LMBRD1: variants seen among roughly 807,000 people sequenced by gnomAD.
LMBRD1 encodes the protein LMBR1 domain containing 1, also known as lysosomal cobalamin transport escort protein LMBD1.
In LMBRD1, 64 loss-of-function variants were observed where a neutral mutation model predicts 74.8. The observed-to-expected ratio is 0.86, with a 90% CI of 0.70 to 1.05. The LOEUF (loss-of-function observed/expected upper bound fraction) is 1.05, where lower values mean the gene tolerates loss of function less well. Among genes scored for constraint, LMBRD1 ranks in the 50% least tolerant of loss-of-function variants. The probability of loss-of-function intolerance (pLI) is 0.00; values close to 1 mark genes in which losing one functional copy is unlikely to be tolerated. For synonymous variants in LMBRD1, 204 were observed against 216.3 expected (o/e 0.94, Z 0.50); for missense variants, 652 against 645.9 (o/e 1.01, Z -0.10).
chr6:69,693,542 A>T (rs914612698), intron 14 of LMBRD1, among the ~76,000 whole-genome samples: 1 of 152,174 alleles, frequency 6.6e-6, no homozygotes, highest in Non-Finnish European at 1.5e-5. Flanking sequence ...AACACTGAAA[A>T]TTAAAATTTT....
intron 11 of LMBRD1, 123 bp downstream of exon 11, chr6:69,701,320 T>C: frequency 3.1e-6 from 2 of 653,654 alleles, no homozygotes; most frequent in Non-Finnish European, 2.8e-6. Flanking sequence ...TAAGCATATG[T>C]CAAACTATTC....
intron 7 of LMBRD1, among the ~76,000 whole-genome samples, chr6:69,735,443 TAAAA>T (rs11290967): frequency 6.9e-6 from 1 of 144,550 alleles, no homozygotes; most frequent in Admixed American, 6.8e-5. Flanking sequence ...GAAAACAACA[TAAAA>T]AAAAAAAAAA....
chr6:69,752,145 G>C, intron 4 of LMBRD1, 114 bp downstream of exon 4: 2 of 930,658 alleles, frequency 2.1e-6, no homozygotes, highest in Non-Finnish European at 3.2e-6. Context: ...AGCTAACATT[G>C]TATTTCTATT....
chr6:69,704,705 A>C (rs1370724705), intron 9 of LMBRD1, among the ~76,000 whole-genome samples: 1 of 152,092 alleles, frequency 6.6e-6, no homozygotes, highest in African/African-American at 2.4e-5. Flanking sequence ...TGCAGAAATC[A>C]TTACTTTATT....
intron 2 of LMBRD1, among the ~76,000 whole-genome samples, chr6:69,787,080 C>T (rs1336601944): frequency 6.6e-6 from 1 of 152,120 alleles, no homozygotes; most frequent in Non-Finnish European, 1.5e-5. Context: ...AGACCAAAAC[C>T]ACGTTGGCAT....
intron 3 of LMBRD1, among the ~76,000 whole-genome samples, chr6:69,773,022 A>G (rs577349662): frequency 5.3e-5 from 8 of 152,214 alleles, no homozygotes; most frequent in Non-Finnish European, 8.8e-5. Flanking sequence ...TGGAGAAATC[A>G]CAAAGAAGTC....
intron 7 of LMBRD1, among the ~76,000 whole-genome samples, chr6:69,737,233 A>G (rs1335862085): frequency 6.6e-6 from 1 of 152,138 alleles, no homozygotes; most frequent in Non-Finnish European, 1.5e-5. Context: ...AAGGTTCCAG[A>G]TAATATTAAT....
At chr6:69,692,573 T>C (rs769904118) in intron 14 of LMBRD1, among the ~76,000 whole-genome samples, 23 of 152,198 alleles carry the variant, frequency 1.5e-4, no homozygotes, top group Non-Finnish European at 7.4e-5. Context: ...TTCATTGCTA[T>C]GATAACATAC....
At chr6:69,720,284 A>G (rs1018939207) in intron 7 of LMBRD1, among the ~76,000 whole-genome samples, 3 of 152,196 alleles carry the variant, frequency 2.0e-5, no homozygotes, top group African/African-American at 7.2e-5. Flanking sequence ...TTAGATACTT[A>G]CCTAGCTGAA....
chr6:69,690,367 A>G (rs2502566), intron 14 of LMBRD1, among the ~76,000 whole-genome samples: 137,204 of 152,056 alleles, frequency 0.9, 63,108 homozygotes, highest in Non-Finnish European at 0.99. Flanking sequence ...TAAACTCTAC[A>G]TTCTCCCTCA....
rs554662955 is a variant in LMBRD1 at position 69,676,262 on chromosome 6, T to A, written c.1519A>T (p.Ile507Phe). ...TTACAACAGGATACAATTAATCCAA[T>A]CAAAAATACCTGTAAATTTAAATAA... ...GNWAFLGVFL[I>F]GLIVSCCKGK... Residue 507 changes from isoleucine to phenylalanine, a missense_variant, in exon 16 of 16, where the codon ATT becomes TTT. By Grantham distance (21) the Ile-to-Phe change is conservative. This residue lies in a region of LMBRD1 where 51 missense variants were observed against 46.9 expected (regional missense o/e 1.09). Transcript: ENST00000649934. 6.2e-7 allele frequency: 1 copy of A among 1,612,948 alleles called. No individual in the cohort carries two copies. The highest frequency in any genetic ancestry group is 2.2e-5 in the East Asian group (1 of 44,746).
intron 5 of LMBRD1, among the ~76,000 whole-genome samples, chr6:69,743,481 A>G (rs959270591): frequency 6.6e-6 from 1 of 152,244 alleles, no homozygotes; most frequent in South Asian, 2.1e-4. Context: ...GTTCAAATAG[A>G]GTAATACCAG....
In LMBRD1 at chr6:69,790,420, T is replaced by C; in HGVS notation, c.122A>G (p.Glu41Gly). Residue 41 changes from glutamate (E) to glycine (G), a missense_variant, in exon 2 of 16, where the codon GAA (glutamate) becomes GGA (glycine). This residue lies in a region of LMBRD1 where 598 missense variants were observed against 581.8 expected (regional missense o/e 1.03). Transcript: ENST00000649934. ...TGTTATGGTGGAGACAACTTCACTT[T>C]CCCGCCGACTTTGGTATTTACGAAC... ...IYVRKYQSRR[E>G]SEVVSTITAI... 1 of 1,614,076 alleles carries C rather than the reference T, an allele frequency of 6.2e-7. No individual in the cohort carries two copies. Among genetic ancestry groups the C allele is most frequent in the Non-Finnish European group, 8.5e-7 (1 of 1,179,974 alleles).
At chr6:69,766,933 T>C (rs1027785630) in intron 3 of LMBRD1, among the ~76,000 whole-genome samples, 2 of 151,816 alleles carry the variant, frequency 1.3e-5, no homozygotes, top group East Asian at 1.9e-4. Context: ...AAATCAGTTA[T>C]GGTAATTGAT....
chr6:69,681,040 T>C (rs1428628217), intron 14 of LMBRD1, among the ~76,000 whole-genome samples: 2 of 152,106 alleles, frequency 1.3e-5, no homozygotes, highest in Non-Finnish European at 2.9e-5. Context: ...AAATCAGAAG[T>C]ATTCCAGAAA....
intron 3 of LMBRD1, among the ~76,000 whole-genome samples, chr6:69,773,223 A>G (rs1194293642): frequency 1.3e-5 from 2 of 152,088 alleles, no homozygotes; most frequent in East Asian, 3.9e-4. Flanking sequence ...CTATCATCTG[A>G]GTGGGTTCAT....
chr6:69,754,999 A>C (rs1765238945), intron 3 of LMBRD1, among the ~76,000 whole-genome samples: 1 of 152,222 alleles, frequency 6.6e-6, no homozygotes, highest in Non-Finnish European at 1.5e-5. Flanking sequence ...AAATTAGTTC[A>C]ACCATTGTGG....
chr6:69,705,688 C>G (rs1766238462), intron 9 of LMBRD1: 1 of 934,164 alleles, frequency 1.1e-6, no homozygotes, highest in East Asian at 2.4e-5. Flanking sequence ...TCATCAGTAG[C>G]AAGTTTTACT....
At chr6:69,756,012 TAA>T (rs1765259348) in intron 3 of LMBRD1, among the ~76,000 whole-genome samples, 1 of 152,180 alleles carries the variant, frequency 6.6e-6, no homozygotes, top group African/African-American at 2.4e-5. Context: ...TGTACCTCAA[TAA>T]AAAGACAACT....
Sources: gnomAD v4.1 joint callset for allele counts (sites outside exome capture counted in the v4.1 genomes callset) on GRCh38, gnomAD v4.1.1 for gene constraint, gnomAD v4.1.1 regional missense constraint, MANE v1.5 for transcripts, NCBI Gene and HGNC (gene_info 2026-07-23, HGNC 2026-07-21) for gene names.